Variants in IP6K1 observed in about 807,000 individuals in gnomAD.
IP6K1 encodes the protein inositol hexakisphosphate kinase 1.
Under a neutral mutation model 38.3 loss-of-function variants are expected in IP6K1, and 13 were observed. The observed-to-expected ratio is 0.34, with a 90% CI of 0.22 to 0.54. The LOEUF (loss-of-function observed/expected upper bound fraction) is 0.54, where lower values mean the gene tolerates loss of function less well. Among genes scored for constraint, IP6K1 ranks in the 20% least tolerant of loss-of-function variants. IP6K1 has a pLI of 0.92. For missense variants in IP6K1, 397 were observed against 599.8 expected (o/e 0.66, Z 3.53); for synonymous variants, 212 against 229.9 (o/e 0.92, Z 0.70).
chr3:49,754,250 C>T (rs895810433), intron 1 of IP6K1, among the ~76,000 whole-genome samples: 1 of 151,880 alleles, frequency 6.6e-6, no homozygotes, highest in African/African-American at 2.4e-5. Context: ...GTGGTGTACA[C>T]CTATAGTCCC....
At chr3:49,767,270 C>T (rs755457089) in intron 1 of IP6K1, among the ~76,000 whole-genome samples, 3 of 151,794 alleles carry the variant, frequency 2.0e-5, no homozygotes, top group Non-Finnish European at 2.9e-5. Flanking sequence ...AGGATGAGAC[C>T]CTATCTCTTA....
intron 1 of IP6K1, among the ~76,000 whole-genome samples, chr3:49,764,910 A>G (rs2080898251): frequency 6.6e-6 from 1 of 151,970 alleles, no homozygotes; most frequent in Non-Finnish European, 1.5e-5. Context: ...ATGAACCCAA[A>G]TAGGATAAAC....
intron 1 of IP6K1, among the ~76,000 whole-genome samples, chr3:49,761,472 G>A (rs917241553): frequency 4.0e-5 from 6 of 151,376 alleles, no homozygotes; most frequent in Non-Finnish European, 4.4e-5. Flanking sequence ...AAATTAGCCG[G>A]GCGCAATGGC....
In IP6K1 at chr3:49,768,770, A is replaced by AAAAAT. The variant is rs546814600; in HGVS notation, c.-129+17579_-129+17583dup. 9.0e-3 allele frequency among the ~76,000 whole-genome samples: 1,370 copies of AAAAAT among 152,110 alleles called. 18 individuals are homozygous for AAAAAT. Among genetic ancestry groups the AAAAAT allele is most frequent in the African/African-American group, 0.031 (1,300 of 41,464 alleles). ...CGGTGACAGAGTGAGACTGAGTCTCAAAAATAAAATAAAATAAAATAGGCG... is the reference window on the plus strand; with the variant it reads ...CGGTGACAGAGTGAGACTGAGTCTCAAAAATAAAATAAAATAAAATAAAATAGGCG... On this transcript the variant is annotated intron_variant, in intron 1 of 5. Coordinates refer to ENST00000321599, the MANE Select transcript of IP6K1 (RefSeq NM_153273.4).
At position 49,778,145 on chromosome 3, in the gene IP6K1, G is replaced by A. The variant is rs372979459; in HGVS notation, c.-129+8209C>T. On this transcript the variant is annotated intron_variant, in intron 1 of 5. Transcript: ENST00000321599. Reference sequence around the variant, plus strand: ...TCGAGACCATCCTGGCCAACATGGTGAAACCCCGTCTGTACTAAAAATACA... The same window carrying A: ...TCGAGACCATCCTGGCCAACATGGTAAAACCCCGTCTGTACTAAAAATACA... 2.0e-5 allele frequency among the ~76,000 whole-genome samples: 3 copies of A among 151,866 alleles called. No individual in the cohort carries two copies. In the South Asian group the frequency reaches 6.2e-4, roughly 32 times the overall value.
chr3:49,768,646 T>G lies in IP6K1; in HGVS notation c.-129+17708A>C, dbSNP rs567622295. On this transcript the variant is annotated intron_variant, in intron 1 of 5. Coordinates refer to ENST00000321599, the MANE Select transcript of IP6K1 (RefSeq NM_153273.4). Reference sequence around the variant, plus strand: ...TTAGCCGGCCGTGGTGGCGGGCACCTGTAATCCCAGCTACTTGAGAGGCTG... The same window carrying G: ...TTAGCCGGCCGTGGTGGCGGGCACCGGTAATCCCAGCTACTTGAGAGGCTG... Among the ~76,000 whole-genome samples the G allele has an allele frequency of 1.6e-4, 25 of 152,210 alleles. No homozygotes were observed. In the East Asian group the frequency reaches 4.1e-3, roughly 25 times the overall value.
chr3:49,771,476 G>A (rs2080959530), intron 1 of IP6K1, among the ~76,000 whole-genome samples: 1 of 152,184 alleles, frequency 6.6e-6, no homozygotes, highest in Non-Finnish European at 1.5e-5. Flanking sequence ...ATTCAGGTAA[G>A]TGAAAATTAA....
Position 49,725,156 on chromosome 3 carries a change from A to G in IP6K1, c.*1966T>C, listed in dbSNP as rs1231725244. The G allele has an allele frequency of 6.6e-6, 1 of 152,662 alleles. No individual in the cohort carries two copies. The highest frequency in any genetic ancestry group is 2.4e-5 in the African/African-American group (1 of 41,438). The allele number at this position is 152,662 out of a possible 1,614,324, so 9.5% of individuals were successfully genotyped here. On this transcript the variant is annotated 3_prime_UTR_variant, in exon 6 of 6. Transcript: ENST00000321599. ...CCACTCTTTGTAGTGCCAGGAAAAT[A>G]CTGAATGTAAGTGGGTGCAGCTTTG...
At position 49,777,334 on chromosome 3, in the gene IP6K1, G is replaced by A. The variant is rs554324410; in HGVS notation, c.-129+9020C>T. Among the ~76,000 whole-genome samples, 4 of 152,228 alleles carry A rather than the reference G, an allele frequency of 2.6e-5. No homozygotes were observed. The East Asian group carries it at 7.7e-4, about 29-fold the overall frequency. ...CCCAACACCTTGGGAGGCCGAGGTG[G>A]ATGGATTGCCTGAGGTCAAGAGATC... On this transcript the variant is annotated intron_variant, in intron 1 of 5. Coordinates refer to ENST00000321599, the MANE Select transcript of IP6K1 (RefSeq NM_153273.4).
At position 49,733,742 on chromosome 3, in the gene IP6K1, G is replaced by C. The variant is rs117375246; in HGVS notation, c.435-770C>G. 1.4e-3 allele frequency among the ~76,000 whole-genome samples: 206 copies of C among 152,320 alleles called. 4 individuals carry two copies. In the East Asian group the frequency reaches 0.036, roughly 27 times the overall value. On this transcript the variant is annotated intron_variant, in intron 3 of 5. Coordinates refer to ENST00000321599, the MANE Select transcript of IP6K1 (RefSeq NM_153273.4). ...ACTAGAAAAGTGGTTGCCATGGGCTGGGGGAAGGAGGAATGGGGAGTCAGT... is the reference window on the plus strand; with the variant it reads ...ACTAGAAAAGTGGTTGCCATGGGCTCGGGGAAGGAGGAATGGGGAGTCAGT...
At chr3:49,785,812 G>C (rs1448178196) in intron 1 of IP6K1, 1 of 152,240 alleles carries the variant, frequency 6.6e-6, no homozygotes, top group Non-Finnish European at 1.5e-5. Context: ...TGAGCTTCGA[G>C]GTACACGTGA....
chr3:49,735,613 C>T (rs1298035251), intron 3 of IP6K1, among the ~76,000 whole-genome samples: 2 of 152,176 alleles, frequency 1.3e-5, no homozygotes, highest in Non-Finnish European at 2.9e-5. Context: ...GGGTATGAAG[C>T]TCTCTCCTTG....
intron 1 of IP6K1, among the ~76,000 whole-genome samples, chr3:49,784,450 G>C (rs1438054278): frequency 6.6e-6 from 1 of 152,016 alleles, no homozygotes; most frequent in Non-Finnish European, 1.5e-5. Flanking sequence ...TTCGAGATCA[G>C]CCTGAACAAC....
intron 1 of IP6K1, among the ~76,000 whole-genome samples, chr3:49,781,488 G>C (rs2081065520): frequency 6.6e-6 from 1 of 152,172 alleles, no homozygotes; most frequent in African/African-American, 2.4e-5. Context: ...GTTTTATAAA[G>C]AAGGTAGGTA....
chr3:49,728,293 AG>A lies in IP6K1; in HGVS notation c.617-16del. ...CAGGAGGAACTCTGGGCCACGGTCAAGGAGAATGACAACCACACTCACCATC... is the reference window on the plus strand; with the variant it reads ...CAGGAGGAACTCTGGGCCACGGTCAAGAGAATGACAACCACACTCACCATC... On this transcript the variant is annotated splice_polypyrimidine_tract_variant and intron_variant, in intron 4 of 5. Transcript: ENST00000321599. The A allele has an allele frequency of 2.5e-6, 4 of 1,609,456 alleles. No homozygotes were observed. The East Asian group carries it at 8.9e-5, about 36-fold the overall frequency.
chr3:49,768,187 T>C (rs1312702514), intron 1 of IP6K1, among the ~76,000 whole-genome samples: 1 of 152,242 alleles, frequency 6.6e-6, no homozygotes, highest in African/African-American at 2.4e-5. Context: ...ATTCCACTTT[T>C]AGGTCTATAC....
chr3:49,734,381 A>G (rs866713600), intron 3 of IP6K1, among the ~76,000 whole-genome samples: 2 of 146,684 alleles, frequency 1.4e-5, no homozygotes, highest in South Asian at 2.2e-4. Flanking sequence ...GAGGTGGAAC[A>G]TTACCGTAAT....
intron 1 of IP6K1, among the ~76,000 whole-genome samples, chr3:49,784,385 G>C (rs1341299460): frequency 6.6e-6 from 1 of 152,068 alleles, no homozygotes; most frequent in Admixed American, 6.6e-5. Flanking sequence ...AGTGGCTCAC[G>C]CCTGTAATCC....
At chr3:49,758,207 G>A (rs1166450605) in intron 1 of IP6K1, among the ~76,000 whole-genome samples, 1 of 148,810 alleles carries the variant, frequency 6.7e-6, no homozygotes, top group African/African-American at 2.5e-5. Flanking sequence ...CCAGCTACTC[G>A]ACAGGCTGAA....
Sources: allele counts gnomAD v4.1 joint callset (sites outside exome capture counted in the v4.1 genomes callset), GRCh38; gene constraint gnomAD v4.1.1; transcripts MANE v1.5; gene names NCBI Gene and HGNC (gene_info 2026-07-23, HGNC 2026-07-21).